TRAPPC9: variants seen among roughly 807,000 people sequenced by gnomAD.
TRAPPC9 encodes IKK2 binding protein.
Under a neutral mutation model 124.0 loss-of-function variants are expected in TRAPPC9, and 83 were observed. The ratio of observed to expected loss-of-function variants is 0.67; its 90% confidence interval spans 0.56 to 0.80. TRAPPC9 has a LOEUF of 0.80. Among genes scored for constraint, TRAPPC9 ranks in the 30% least tolerant of loss-of-function variants. The pLI, the probability that TRAPPC9 is intolerant of heterozygous loss-of-function variation, is 0.00. For missense variants in TRAPPC9, 1,302 were observed against 1,508.3 expected (o/e 0.86, Z 2.27); for synonymous variants, 638 against 617.5 (o/e 1.03, Z -0.49).
chr8:140,434,405 A>G (rs1284780070), intron 4 of TRAPPC9, among the ~76,000 whole-genome samples: 1 of 152,232 alleles, frequency 6.6e-6, no homozygotes, highest in Non-Finnish European at 1.5e-5. Flanking sequence ...TCTACCAAGC[A>G]TAAGCAAATC....
At chr8:139,797,665 T>G (rs1401039031) in intron 21 of TRAPPC9, among the ~76,000 whole-genome samples, 1 of 152,256 alleles carries the variant, frequency 6.6e-6, no homozygotes, top group Non-Finnish European at 1.5e-5. Flanking sequence ...AAGAGTTTTA[T>G]AGTTTTAGCT....
intron 17 of TRAPPC9, among the ~76,000 whole-genome samples, chr8:140,036,678 C>T (rs1367937758): frequency 2.0e-5 from 3 of 152,006 alleles, no homozygotes; most frequent in East Asian, 1.9e-4. Flanking sequence ...GCTGAAGAGA[C>T]GTGGCTCACA....
intron 18 of TRAPPC9, among the ~76,000 whole-genome samples, chr8:140,013,084 A>C (rs1043750896): frequency 2.0e-5 from 3 of 152,174 alleles, no homozygotes; most frequent in African/African-American, 7.2e-5. Flanking sequence ...GAACGCTAAC[A>C]GCCTGGTCAA....
At chr8:139,950,589 C>T (rs1834573160) in intron 19 of TRAPPC9, among the ~76,000 whole-genome samples, 1 of 152,244 alleles carries the variant, frequency 6.6e-6, no homozygotes, top group Non-Finnish European at 1.5e-5. Context: ...TAACAGACAT[C>T]ATGTTGACAA....
Position 139,984,089 on chromosome 8 carries a change from C to T in TRAPPC9, c.2810+4637G>A, listed in dbSNP as rs1837086443. ...TGCACTGGGTGAGATGAGATCACCCCTTCCTACTAGGAGGGAGGAGAGGCG... is the reference window on the plus strand; with the variant it reads ...TGCACTGGGTGAGATGAGATCACCCTTTCCTACTAGGAGGGAGGAGAGGCG... On this transcript the variant is annotated intron_variant, in intron 19 of 22. Coordinates refer to ENST00000438773, the MANE Select transcript of TRAPPC9 (RefSeq NM_001160372.4). The surrounding 1 kb of genome is among the most constrained non-coding windows in gnomAD (Gnocchi z 4.3). 6.6e-6 allele frequency among the ~76,000 whole-genome samples: 1 copy of T among 152,160 alleles called. No homozygotes were observed. The highest frequency in any genetic ancestry group is 2.4e-5 in the African/African-American group (1 of 41,436).
intron 5 of TRAPPC9, among the ~76,000 whole-genome samples, chr8:140,424,114 G>A (rs1201877038): frequency 6.6e-6 from 1 of 151,578 alleles, no homozygotes; most frequent in East Asian, 1.9e-4. Context: ...CCTTTAAATA[G>A]GTAAACTGCA....
At chr8:139,979,585 C>T (rs539873268) in intron 19 of TRAPPC9, among the ~76,000 whole-genome samples, 116 of 152,142 alleles carry the variant, frequency 7.6e-4, no homozygotes, top group Non-Finnish European at 1.2e-3. Context: ...GGGACAGGCA[C>T]CCCTCTTTAG....
At chr8:140,348,630 G>A (rs975903650) in intron 9 of TRAPPC9, among the ~76,000 whole-genome samples, 2 of 152,202 alleles carry the variant, frequency 1.3e-5, no homozygotes, top group Non-Finnish European at 2.9e-5. Flanking sequence ...AAAAAAGCAT[G>A]TATTATTAAT....
At chr8:139,835,842 C>T (rs1444601524) in intron 21 of TRAPPC9, among the ~76,000 whole-genome samples, 2 of 151,984 alleles carry the variant, frequency 1.3e-5, no homozygotes, top group African/African-American at 4.8e-5. Context: ...CCGAGGACGG[C>T]AGAGAGTGCA....
chr8:140,424,590 G>C (rs2070357118), intron 5 of TRAPPC9, among the ~76,000 whole-genome samples: 1 of 149,590 alleles, frequency 6.7e-6, no homozygotes, highest in African/African-American at 2.5e-5. Context: ...GATCGCGCCT[G>C]TGAATAGCCA....
At chr8:140,264,870 G>A (rs2064568929) in intron 15 of TRAPPC9, among the ~76,000 whole-genome samples, 1 of 152,126 alleles carries the variant, frequency 6.6e-6, no homozygotes, top group Non-Finnish European at 1.5e-5. Context: ...CCAGAGACAG[G>A]AGCGTGTGTT....
chr8:140,067,067 C>A (rs183195938), intron 17 of TRAPPC9, among the ~76,000 whole-genome samples: 74 of 152,312 alleles, frequency 4.9e-4, no homozygotes, highest in African/African-American at 1.8e-3. Flanking sequence ...ATCTGTTCAA[C>A]AGAATGTAAG....
intron 17 of TRAPPC9, among the ~76,000 whole-genome samples, chr8:140,129,259 G>A (rs1257535249): frequency 6.6e-6 from 1 of 152,096 alleles, no homozygotes; most frequent in Non-Finnish European, 1.5e-5. Context: ...GGGGAGGCTG[G>A]CTCGGGTGTG....
rs116441141 is a variant in TRAPPC9, at chr8:140,353,320, C to T, written c.1495+6730G>A. On this transcript the variant is annotated intron_variant, in intron 9 of 22. Coordinates refer to ENST00000438773, the MANE Select transcript of TRAPPC9 (RefSeq NM_001160372.4). The surrounding 1 kb of genome is among the most constrained non-coding windows in gnomAD (Gnocchi z 4.2). Reference sequence around the variant, plus strand: ...GGCCCCCTCCCATCTCATGGGACCCCCCCCTTTCGTCACTCCTCAGTCTTT... The same window carrying T: ...GGCCCCCTCCCATCTCATGGGACCCTCCCCTTTCGTCACTCCTCAGTCTTT... Among the ~76,000 whole-genome samples, 32 of 152,212 alleles carry T rather than the reference C, an allele frequency of 2.1e-4. No homozygotes were observed. The highest frequency in any genetic ancestry group is 7.5e-4 in the African/African-American group (31 of 41,530).
chr8:139,894,012 C>A (rs1391269327), intron 20 of TRAPPC9, among the ~76,000 whole-genome samples: 1 of 152,248 alleles, frequency 6.6e-6, no homozygotes, highest in East Asian at 1.9e-4. Flanking sequence ...GTGGCAACCG[C>A]TTGGCACCAG....
At chr8:139,878,843 C>T (rs1000213980) in intron 21 of TRAPPC9, among the ~76,000 whole-genome samples, 1 of 152,134 alleles carries the variant, frequency 6.6e-6, no homozygotes, top group Non-Finnish European at 1.5e-5. Context: ...AAATTAGCTG[C>T]GTGTGGTTGA....
chr8:140,112,488 TA>T (rs2060800330), intron 17 of TRAPPC9, among the ~76,000 whole-genome samples: 1 of 151,456 alleles, frequency 6.6e-6, no homozygotes, highest in Non-Finnish European at 1.5e-5. Flanking sequence ...GTGAGAAGAG[TA>T]ATGGAGAATT....
intron 15 of TRAPPC9, among the ~76,000 whole-genome samples, chr8:140,258,198 C>T (rs1056105471): frequency 2.6e-5 from 4 of 152,338 alleles, no homozygotes; most frequent in Non-Finnish European, 4.4e-5. Context: ...CCGGAGAGAC[C>T]GCCATTCAGA....
At chr8:140,426,756 C>G (rs1429229450) in intron 4 of TRAPPC9, 115 bp from the exon 5 acceptor site, 9 of 1,058,732 alleles carry the variant, frequency 8.5e-6, no homozygotes, top group Non-Finnish European at 1.2e-5. Context: ...TGACTTGTAT[C>G]TGATCAGAAA....
Sources: allele counts gnomAD v4.1 joint callset (sites outside exome capture counted in the v4.1 genomes callset), GRCh38; gene constraint gnomAD v4.1.1; non-coding constraint Gnocchi (gnomAD v3.1); transcripts MANE v1.5; gene names NCBI Gene and HGNC (gene_info 2026-07-23, HGNC 2026-07-21).